The following ADPRHL1 variants were observed in gnomAD, a reference collection of about 807,000 sequenced individuals.
ADPRHL1 encodes the protein inactive ADP-ribosyltransferase ARH2.
ADPRHL1 carries 43 observed loss-of-function variants against 44.1 expected under a neutral mutation model. The ratio of observed to expected loss-of-function variants is 0.98; its 90% CI spans 0.76 to 1.26. The LOEUF (loss-of-function observed/expected upper bound fraction) is 1.26. Among genes scored for constraint, ADPRHL1 ranks in the 50% most tolerant of loss-of-function variants. The probability of loss-of-function intolerance (pLI) is 0.00; values close to 1 mark genes in which losing one functional copy is unlikely to be tolerated. For missense variants in ADPRHL1, 2,022 were observed against 2,496.9 expected (o/e 0.81, Z 4.05); for synonymous variants, 878 against 1,017.4 (o/e 0.86, Z 2.61).
Position 113,402,361 on chromosome 13 carries a change from G to C in ADPRHL1, c.*1017C>G, listed in dbSNP as rs1012840290. 7.9e-5 allele frequency: 12 copies of C among 152,180 alleles called. No individual in the cohort carries two copies. The highest frequency in any genetic ancestry group is 7.9e-4 in the Admixed American group (12 of 15,272). The allele number at this position is 152,180 out of a possible 1,614,324, so 9.4% of individuals were successfully genotyped here. On this transcript the variant is annotated 3_prime_UTR_variant, in exon 8 of 8. Coordinates refer to ENST00000612156, the MANE Select transcript of ADPRHL1 (RefSeq NM_001394807.1). Reference sequence around the variant, plus strand: ...CCAGAGTAGCAACAAAAACCATCTCGAGGCAATGTGACCACAGGTGGCTTT... The same window carrying C: ...CCAGAGTAGCAACAAAAACCATCTCCAGGCAATGTGACCACAGGTGGCTTT...
In ADPRHL1 at chr13:113,408,231, A is replaced by G. The variant is rs1299886431; in HGVS notation, c.1062-11T>C. 8.1e-7 allele frequency: 1 copy of G among 1,231,846 alleles called. No homozygotes were observed. Among genetic ancestry groups the G allele is most frequent in the Non-Finnish European group, 1.0e-6 (1 of 987,966 alleles). The allele number at this position is 1,231,846 out of a possible 1,614,324, so 76.3% of individuals were successfully genotyped here. ...TTGCTGCTCTTCCGGCTGCAGAGAAAAAGGAATCATCACCTACTTCATCAT... is the reference window on the plus strand; with the variant it reads ...TTGCTGCTCTTCCGGCTGCAGAGAAGAAGGAATCATCACCTACTTCATCAT... On this transcript the variant is annotated splice_polypyrimidine_tract_variant and intron_variant, in intron 7 of 7. Coordinates refer to ENST00000612156, the MANE Select transcript of ADPRHL1 (RefSeq NM_001394807.1).
chr13:113,419,121 T>TC (rs1346527766), intron 7 of ADPRHL1, among the ~76,000 whole-genome samples: 1 of 41,502 alleles, frequency 2.4e-5, no homozygotes, highest in Non-Finnish European at 5.1e-5. Flanking sequence ...TTTCTTTCTT[T>TC]TTTTTTTCAG....
At chr13:113,421,676 C>T (rs1163830819) in intron 7 of ADPRHL1, among the ~76,000 whole-genome samples, 3 of 152,222 alleles carry the variant, frequency 2.0e-5, no homozygotes, top group African/African-American at 7.2e-5. Context: ...TCTTGCCAGT[C>T]CACTCACACA....
chr13:113,424,066 A>T, intron 6 of ADPRHL1, 151 bp downstream of exon 6: 1 of 1,093,360 alleles, frequency 9.1e-7, no homozygotes, highest in Non-Finnish European at 1.3e-6. Context: ...GTGCCCTCCC[A>T]AAGTGGGTTC....
At chr13:113,427,865 G>A (rs1336401376) in intron 4 of ADPRHL1, among the ~76,000 whole-genome samples, 18 of 144,032 alleles carry the variant, frequency 1.2e-4, no homozygotes, top group Non-Finnish European at 3.1e-5. Flanking sequence ...GGGTATCCGT[G>A]CCTGCACCCC....
rs1167274428 is a variant in ADPRHL1, at chr13:113,402,837, G to A, written c.*541C>T. Reference sequence around the variant, plus strand: ...CCCACCTGGGCGTCTGAGGCTGGAGGAAGCTCTGCCCTTTCTTTCGAGTCA... The same window carrying A: ...CCCACCTGGGCGTCTGAGGCTGGAGAAAGCTCTGCCCTTTCTTTCGAGTCA... On this transcript the variant is annotated 3_prime_UTR_variant, in exon 8 of 8. Coordinates refer to ENST00000612156, the MANE Select transcript of ADPRHL1 (RefSeq NM_001394807.1). 6.6e-6 allele frequency: 1 copy of A among 152,634 alleles called. No individual in the cohort carries two copies. Among genetic ancestry groups the A allele is most frequent in the Non-Finnish European group, 1.5e-5 (1 of 68,344 alleles). 9.5% of individuals were successfully genotyped at this position (152,634 alleles called of 1,614,324 possible). A position where few individuals can be genotyped will look rare whatever the true frequency, so the allele number is the denominator to read the frequency against.
At chr13:113,440,936 T>C (rs1379736521) in intron 2 of ADPRHL1, among the ~76,000 whole-genome samples, 2 of 152,008 alleles carry the variant, frequency 1.3e-5, no homozygotes, top group South Asian at 2.1e-4. Flanking sequence ...GCGGATCACT[T>C]GAGGCCAGGA....
At position 113,441,948 on chromosome 13, in the gene ADPRHL1, G is replaced by A. The variant is rs558989713; in HGVS notation, c.379+2477C>T. On this transcript the variant is annotated intron_variant, in intron 2 of 7. Transcript: ENST00000612156. This position sits in a 1 kb window ranked among gnomAD's most constrained non-coding sequence, Gnocchi z 6.0. ...CCGTGCTGGTCCGTGTCTCTGTCAC[G>A]TTGTGTCCCGCCACGCGGCGTCCGC... Among the ~76,000 whole-genome samples, 36 of 152,318 alleles carry A rather than the reference G, an allele frequency of 2.4e-4. No individual in the cohort carries two copies. Among genetic ancestry groups the A allele is most frequent in the Admixed American group, 7.2e-4 (11 of 15,304 alleles).
At chr13:113,429,241 A>G (rs1335880325) in intron 3 of ADPRHL1, 149 bp from the exon 4 acceptor site, 1 of 1,031,958 alleles carries the variant, frequency 9.7e-7, no homozygotes, top group East Asian at 2.6e-5. Flanking sequence ...GGCGGCATTA[A>G]CCACGTTCAC....
Position 113,422,916 on chromosome 13 carries a change from A to C in ADPRHL1, c.971T>G (p.Leu324Arg), listed in dbSNP as rs148756611. The change falls in exon 7 of 8, where the codon CTC becomes CGC. Residue 324 changes from leucine to arginine, a missense_variant. By Grantham distance (102) the Leu-to-Arg change is moderately radical. This residue lies in a region of ADPRHL1 where 1,221 missense variants were observed against 1,517.8 expected (regional missense o/e 0.80). Transcript: ENST00000612156. The part of the protein sequence containing the change: ...CLFGLLYGLD[L>R]VPKGLYQDLE... ...GTCCTGGTACAAGCCTTTGGGAACG[A>C]GGTCCAGGCCGTACAGCAACCCGAA... The C allele has an allele frequency of 6.3e-4, 1,021 of 1,612,942 alleles. 1 individual carries two copies. The highest frequency in any genetic ancestry group is 1.4e-3 in the South Asian group (131 of 91,086).
chr13:113,401,641 C>A lies in ADPRHL1; in HGVS notation c.*1737G>T, dbSNP rs1372146870. The A allele has an allele frequency of 2.0e-5, 3 of 152,386 alleles. No individual in the cohort carries two copies. The highest frequency in any genetic ancestry group is 4.4e-5 in the Non-Finnish European group (3 of 68,220). 9.4% of individuals were successfully genotyped at this position (152,386 alleles called of 1,614,324 possible). A position where few individuals can be genotyped will look rare whatever the true frequency, so the allele number is the denominator to read the frequency against. On this transcript the variant is annotated 3_prime_UTR_variant, in exon 8 of 8. Coordinates refer to ENST00000612156, the MANE Select transcript of ADPRHL1 (RefSeq NM_001394807.1). The surrounding 1 kb of genome is among the most constrained non-coding windows in gnomAD (Gnocchi z 5.5). ...ATAGAGGAGGCCCCGGGGGCCCTGT[C>A]GGGGGAGCTGTGGGGACCGGCCCCC...
rs374374103 is a variant in ADPRHL1 at position 113,451,793 on chromosome 13, G to A, written c.214+1431C>T. ...ACTGCACTCCAGCCTGGGCGATGGA[G>A]AAAGACTCCGTCTCAAAAAACAAAC... is the stretch of plus-strand genomic sequence containing the variant. On this transcript the variant is annotated intron_variant, in intron 1 of 7. Coordinates refer to ENST00000612156, the MANE Select transcript of ADPRHL1 (RefSeq NM_001394807.1). Among the ~76,000 whole-genome samples, 47 of 150,660 alleles carry A rather than the reference G, an allele frequency of 3.1e-4. 1 individual carries two copies. The highest frequency in any genetic ancestry group is 1.1e-3 in the African/African-American group (43 of 39,966).
chr13:113,428,878 T>A, intron 4 of ADPRHL1, 74 bp downstream of exon 4: 1 of 1,590,914 alleles, frequency 6.3e-7, no homozygotes, highest in South Asian at 1.1e-5. Flanking sequence ...CTTGAAGTAT[T>A]TGGGGGCCCA....
At chr13:113,425,230 G>A in intron 4 of ADPRHL1, 51 bp from the exon 5 acceptor site, 1 of 1,559,832 alleles carries the variant, frequency 6.4e-7, no homozygotes, top group Non-Finnish European at 8.7e-7. Flanking sequence ...CATGGAGTGG[G>A]GCGGGTGCAG....
Position 113,405,535 on chromosome 13 carries a change from A to G in ADPRHL1, c.3747T>C (p.Ala1249=). ...TGAAACCCAAAAGGTTTCCTTCCAC[A>G]GCCACATCCTTTCTGCCTCCTACAG... The part of the protein sequence containing the change: ...TAAVGGRKDV[A]VEGNLLGFST... Residue 1249 remains alanine (A), a synonymous_variant, in exon 8 of 8, where the codon GCT becomes GCC. Coordinates refer to ENST00000612156, the MANE Select transcript of ADPRHL1 (RefSeq NM_001394807.1). 8.1e-7 allele frequency: 1 copy of G among 1,232,110 alleles called. No homozygotes were observed. 76.3% of individuals were successfully genotyped at this position (1,232,110 alleles called of 1,614,324 possible). A position where few individuals can be genotyped will look rare whatever the true frequency, so the allele number is the denominator to read the frequency against.
intron 1 of ADPRHL1, among the ~76,000 whole-genome samples, chr13:113,452,030 G>A (rs920426716): frequency 2.0e-5 from 3 of 152,148 alleles, no homozygotes; most frequent in South Asian, 2.1e-4. Flanking sequence ...TGGTATGAGC[G>A]CACACACGGC....
intron 5 of ADPRHL1, 152 bp from the exon 6 acceptor site, chr13:113,424,501 T>G: frequency 9.1e-7 from 1 of 1,094,508 alleles, no homozygotes; most frequent in Non-Finnish European, 1.3e-6. Flanking sequence ...GTCCCCCAGG[T>G]TGGAGTGCAA....
In ADPRHL1 at chr13:113,412,912, GCACCC is replaced by G. The variant is rs1272245954; in HGVS notation, c.1062-4697_1062-4693del. On this transcript the variant is annotated intron_variant, in intron 7 of 7. Transcript: ENST00000612156. ...GAGCTCGGTTCACCCACCGCCAACA[GCACCC>G]CGCAGAACTCGGTTCACCCACCGCC... 2.6e-4 allele frequency among the ~76,000 whole-genome samples: 9 copies of G among 35,136 alleles called. 4 individuals carry two copies. The highest frequency in any genetic ancestry group is 8.9e-4 in the African/African-American group (5 of 5,596). The allele number at this position is 35,136 out of a possible 152,430, so 23.1% of individuals were successfully genotyped here.
chr13:113,435,416 C>G (rs370043659), intron 2 of ADPRHL1, among the ~76,000 whole-genome samples: 3 of 77,438 alleles, frequency 3.9e-5, no homozygotes, highest in Non-Finnish European at 7.6e-5. Context: ...AGAGTGAACA[C>G]AGGTGTACCC....
Sources: allele counts gnomAD v4.1 joint callset (sites outside exome capture counted in the v4.1 genomes callset), GRCh38; gene constraint gnomAD v4.1.1; regional missense constraint gnomAD v4.1.1; non-coding constraint Gnocchi (gnomAD v3.1); transcripts MANE v1.5; gene names NCBI Gene and HGNC (gene_info 2026-07-23, HGNC 2026-07-21).